Variants in AFAP1 observed in about 807,000 individuals in gnomAD.
AFAP1 encodes the protein actin filament associated protein 1.
A neutral mutation model predicts 93.9 loss-of-function variants in AFAP1; 75 were observed. The observed-to-expected ratio is 0.80, with a 90% CI of 0.66 to 0.97. AFAP1 has a LOEUF of 0.97. Among genes scored for constraint, AFAP1 ranks in the 50% least tolerant of loss-of-function variants. The pLI is 0.00. For missense variants in AFAP1, 1,201 were observed against 1,050.8 expected, an observed-to-expected ratio of 1.14 and a Z score of -1.98; for synonymous variants, 517 against 430.7, an observed-to-expected ratio of 1.20 and a Z score of -2.48.
intron 12 of AFAP1, among the ~76,000 whole-genome samples, chr4:7,784,031 A>G (rs1320847894): frequency 1.3e-5 from 2 of 151,956 alleles, no homozygotes; most frequent in African/African-American, 4.8e-5. Flanking sequence ...CCACCTGAAG[A>G]AGGGCTCAGG....
chr4:7,830,795 G>C (rs573054215), intron 6 of AFAP1, among the ~76,000 whole-genome samples: 51 of 152,022 alleles, frequency 3.4e-4, no homozygotes, highest in Non-Finnish European at 5.9e-4. Flanking sequence ...GTTTTATAGA[G>C]ATAGCCTCTT....
chr4:7,906,836 T>C (rs1033068917), intron 1 of AFAP1, among the ~76,000 whole-genome samples: 1 of 152,108 alleles, frequency 6.6e-6, no homozygotes, highest in Non-Finnish European at 1.5e-5. Flanking sequence ...GCCTGGCCAA[T>C]ATGGCGAAGC....
chr4:7,818,460 G>C (rs571770509), intron 7 of AFAP1, among the ~76,000 whole-genome samples: 3 of 152,186 alleles, frequency 2.0e-5, no homozygotes, highest in Admixed American at 1.3e-4. Context: ...GAAAGTCCCA[G>C]GGACACAAGC....
At chr4:7,857,903 G>A (rs1353250037) in intron 3 of AFAP1, among the ~76,000 whole-genome samples, 1 of 152,070 alleles carries the variant, frequency 6.6e-6, no homozygotes, top group Admixed American at 6.5e-5. Context: ...CCCTATTGGT[G>A]GTCATGTACT....
In AFAP1 at chr4:7,800,803, A is replaced by G. The variant is rs899798806; in HGVS notation, c.1055-150T>C. The G allele has an allele frequency of 7.6e-6, 6 of 791,334 alleles. No homozygotes were observed. In the African/African-American group the frequency reaches 1.0e-4, roughly 14 times the overall value. The allele number at this position is 791,334 out of a possible 1,614,324, so 49.0% of individuals were successfully genotyped here. Reference sequence around the variant, plus strand: ...GATCAAGCTTTAAATGCAAATTCGCATAAACTAGGAGAGCCGTGGCTACGG... The same window carrying G: ...GATCAAGCTTTAAATGCAAATTCGCGTAAACTAGGAGAGCCGTGGCTACGG... On this transcript the variant is annotated intron_variant, in intron 9 of 17. Transcript: ENST00000420658.
intron 13 of AFAP1, among the ~76,000 whole-genome samples, chr4:7,779,864 T>C (rs563681860): frequency 1.3e-5 from 2 of 152,318 alleles, no homozygotes; most frequent in African/African-American, 4.8e-5. Flanking sequence ...CAGGTTCCCA[T>C]TAAAATGACC....
intron 1 of AFAP1, 50 bp from the exon 2 acceptor site, chr4:7,872,130 T>C: frequency 6.2e-7 from 1 of 1,605,912 alleles, no homozygotes; most frequent in Non-Finnish European, 8.5e-7. Context: ...TTTGCAAATG[T>C]CAAAGTATGA....
intron 6 of AFAP1, among the ~76,000 whole-genome samples, chr4:7,828,258 C>T: frequency 6.6e-6 from 1 of 152,226 alleles, no homozygotes; most frequent in African/African-American, 2.4e-5. Context: ...CCCCCACGCC[C>T]CCCGGCTGGC....
intron 1 of AFAP1, among the ~76,000 whole-genome samples, chr4:7,933,040 A>AAAC (rs1553858303): frequency 8.4e-6 from 1 of 118,848 alleles, no homozygotes; most frequent in Non-Finnish European, 1.7e-5. Flanking sequence ...AAAAAAAAAA[A>AAAC]GGGGGGGGAT....
intron 3 of AFAP1, among the ~76,000 whole-genome samples, chr4:7,858,776 C>G (rs538884241): frequency 5.3e-5 from 8 of 152,316 alleles, no homozygotes; most frequent in African/African-American, 1.9e-4. Context: ...TCACCTAAAA[C>G]AAGGGCATCG....
At position 7,801,931 on chromosome 4, in the gene AFAP1, A is replaced by C. The variant is rs900529471; in HGVS notation, c.1055-1278T>G. Among the ~76,000 whole-genome samples, 10 of 151,090 alleles carry C rather than the reference A, an allele frequency of 6.6e-5. 1 individual carries two copies. In the South Asian group the frequency reaches 1.9e-3, roughly 28 times the overall value. ...CCCTATCACAAAAAAAAAAAAAAAA[A>C]AAAAAAAAAAACTAATCAATTAAAA... On this transcript the variant is annotated intron_variant, in intron 9 of 17. Transcript: ENST00000420658.
At chr4:7,829,082 T>C (rs564673380) in intron 6 of AFAP1, among the ~76,000 whole-genome samples, 4 of 152,238 alleles carry the variant, frequency 2.6e-5, no homozygotes, top group Non-Finnish European at 5.9e-5. Flanking sequence ...CCTGCTGCCA[T>C]GTGAAGAAGG....
At chr4:7,801,743 C>T (rs983581790) in intron 9 of AFAP1, among the ~76,000 whole-genome samples, 2 of 151,420 alleles carry the variant, frequency 1.3e-5, no homozygotes, top group Admixed American at 6.6e-5. Context: ...CACACATACC[C>T]CTACCTCAAA....
chr4:7,793,938 C>T, intron 10 of AFAP1, 112 bp from the exon 11 acceptor site: 2 of 1,239,322 alleles, frequency 1.6e-6, no homozygotes, highest in Non-Finnish European at 2.1e-6. Flanking sequence ...CATGATGTCC[C>T]TAAGAAGAAA....
chr4:7,811,209 G>A (rs940852602), intron 8 of AFAP1, among the ~76,000 whole-genome samples: 8 of 152,130 alleles, frequency 5.3e-5, no homozygotes, highest in African/African-American at 1.2e-4. Context: ...AAACCCCAGC[G>A]CCCGACCCTT....
At chr4:7,919,034 A>C (rs1456679237) in intron 1 of AFAP1, among the ~76,000 whole-genome samples, 1 of 150,546 alleles carries the variant, frequency 6.6e-6, no homozygotes, top group African/African-American at 2.4e-5. Context: ...CCAGGTCACC[A>C]GGAAACAGGG....
intron 11 of AFAP1, among the ~76,000 whole-genome samples, chr4:7,793,302 T>A (rs754839336): frequency 1.2e-4 from 18 of 152,214 alleles, no homozygotes; most frequent in Non-Finnish European, 1.9e-4. Context: ...GTCAGCAAAC[T>A]ATTGGCCAAA....
At chr4:7,821,509 T>C (rs1189610857) in intron 6 of AFAP1, among the ~76,000 whole-genome samples, 1 of 152,150 alleles carries the variant, frequency 6.6e-6, no homozygotes, top group East Asian at 1.9e-4. Flanking sequence ...ACTGAGCTCA[T>C]CAGCAACCAG....
Position 7,778,881 on chromosome 4 carries a change from T to G in AFAP1, c.1783-5A>C. The stretch of plus-strand genomic sequence containing the variant: ...GGGGGGCTTTTTACCCTTGAGCTGT[T>G]GAAATAAACATATAAGAACATTAAA... On this transcript the variant is annotated splice_region_variant and splice_polypyrimidine_tract_variant and intron_variant, in intron 13 of 17. Transcript: ENST00000420658. The G allele has an allele frequency of 6.3e-7, 1 of 1,583,876 alleles. No individual in the cohort carries two copies. The highest frequency in any genetic ancestry group is 8.7e-7 in the Non-Finnish European group (1 of 1,154,318).
Sources: allele counts gnomAD v4.1 joint callset (sites outside exome capture counted in the v4.1 genomes callset), GRCh38; gene constraint gnomAD v4.1.1; transcripts MANE v1.5; gene names NCBI Gene and HGNC (gene_info 2026-07-23, HGNC 2026-07-21).